KCNH7: variants seen among roughly 807,000 people sequenced by gnomAD.
KCNH7 encodes the protein potassium voltage-gated channel subfamily H member 7, also known as voltage-gated inwardly rectifying potassium channel KCNH7.
Under a neutral mutation model 120.8 loss-of-function variants are expected in KCNH7, and 49 were observed. That is an observed-to-expected ratio of 0.41 (90% CI 0.32 to 0.51). The LOEUF (loss-of-function observed/expected upper bound fraction) is 0.51. Among genes scored for constraint, KCNH7 ranks in the 20% least tolerant of loss-of-function variants. The pLI is 0.38. For synonymous variants in KCNH7, 547 were observed against 516.1 expected (o/e 1.06, Z -0.81); for missense variants, 1,097 against 1,446.6 (o/e 0.76, Z 3.92).
chr2:162,431,337 T>C lies in KCNH7; in HGVS notation c.1954+3861A>G, dbSNP rs547850793. Among the ~76,000 whole-genome samples the C allele has an allele frequency of 2.0e-5, 3 of 152,088 alleles. No individual in the cohort carries two copies. The South Asian group carries it at 6.2e-4, about 31-fold the overall frequency. Reference sequence around the variant, plus strand: ...TTTTATCACATTTTTTGTTATTTTATTTTTTTCAGGCTAAAATAAGGCCAC... The same window carrying C: ...TTTTATCACATTTTTTGTTATTTTACTTTTTTCAGGCTAAAATAAGGCCAC... On this transcript the variant is annotated intron_variant, in intron 8 of 15. Transcript: ENST00000332142.
chr2:162,801,244 T>C (rs1204006856), intron 2 of KCNH7, among the ~76,000 whole-genome samples: 1 of 147,864 alleles, frequency 6.8e-6, no homozygotes, highest in African/African-American at 2.5e-5. Flanking sequence ...GGATTTAAAG[T>C]ATGAAAAAGA....
chr2:162,683,399 T>C (rs955940298), intron 2 of KCNH7, among the ~76,000 whole-genome samples: 2 of 151,900 alleles, frequency 1.3e-5, no homozygotes, highest in African/African-American at 4.8e-5. Flanking sequence ...AGTTACAGTA[T>C]TTTAGTGATG....
intron 13 of KCNH7, 149 bp from the exon 14 acceptor site, chr2:162,380,170 A>G (rs1054879435): frequency 3.5e-6 from 3 of 868,792 alleles, no homozygotes; most frequent in Non-Finnish European, 3.5e-6. Context: ...TCCAGGGGCC[A>G]CGGCCAGTTG....
At position 162,435,631 on chromosome 2, in the gene KCNH7, C is replaced by T. The variant is rs76020578; in HGVS notation, c.1555-34G>A. The stretch of plus-strand genomic sequence containing the variant: ...ATAAATGTACACAGTCAGAAACGGT[C>T]GGCAAACAATTCAAAGTACATTCAT... On this transcript the variant is annotated intron_variant, in intron 7 of 15. Coordinates refer to ENST00000332142, the MANE Select transcript of KCNH7 (RefSeq NM_033272.4). 6.7e-4 allele frequency: 1,032 copies of T among 1,529,306 alleles called. 9 individuals are homozygous for T. The African/African-American group carries it at 0.013, about 20-fold the overall frequency. The allele number at this position is 1,529,306 out of a possible 1,614,324, so 94.7% of individuals were successfully genotyped here.
At chr2:162,830,835 A>T (rs1246402140) in intron 2 of KCNH7, among the ~76,000 whole-genome samples, 2 of 152,184 alleles carry the variant, frequency 1.3e-5, no homozygotes, top group South Asian at 2.1e-4. Flanking sequence ...GCCAGCCTTC[A>T]CCAGTCCCAG....
intron 2 of KCNH7, among the ~76,000 whole-genome samples, chr2:162,814,634 A>G (rs1274518270): frequency 1.3e-5 from 2 of 152,190 alleles, no homozygotes; most frequent in Non-Finnish European, 2.9e-5. Flanking sequence ...TCCTGCTATC[A>G]ATTATTCATC....
intron 2 of KCNH7, among the ~76,000 whole-genome samples, chr2:162,762,395 G>GT (rs1559121157): frequency 6.6e-6 from 1 of 151,418 alleles, no homozygotes; most frequent in African/African-American, 2.4e-5. Flanking sequence ...CTAACACTGG[G>GT]ACAGGGAGGG....
intron 2 of KCNH7, among the ~76,000 whole-genome samples, chr2:162,807,496 A>T (rs2105558928): frequency 6.6e-6 from 1 of 152,126 alleles, no homozygotes; most frequent in East Asian, 1.9e-4. Flanking sequence ...TCTAGGGCTT[A>T]ATTTCAATAG....
intron 2 of KCNH7, among the ~76,000 whole-genome samples, chr2:162,697,907 G>A (rs1338838941): frequency 1.3e-5 from 2 of 151,590 alleles, no homozygotes; most frequent in East Asian, 3.9e-4. Flanking sequence ...CATGTTATTT[G>A]CCTCAATTTC....
intron 6 of KCNH7, among the ~76,000 whole-genome samples, chr2:162,471,007 C>A (rs1353830437): frequency 6.6e-6 from 1 of 152,080 alleles, no homozygotes; most frequent in Non-Finnish European, 1.5e-5. Context: ...GGATTAAGGG[C>A]GGTGCAAGAT....
chr2:162,808,568 A>C (rs1684629331), intron 2 of KCNH7, among the ~76,000 whole-genome samples: 1 of 152,158 alleles, frequency 6.6e-6, no homozygotes, highest in African/African-American at 2.4e-5. Context: ...CTGTCAATTC[A>C]CATGTTAAGA....
In KCNH7 at chr2:162,388,313, C is replaced by T. The variant is rs577868196; in HGVS notation, c.2711-3374G>A. ...GTAACAATAGTAAATGTATTATATA[C>T]TTAGAAGTTGCTAAGAGATTAGACC... On this transcript the variant is annotated intron_variant, in intron 12 of 15. Coordinates refer to ENST00000332142, the MANE Select transcript of KCNH7 (RefSeq NM_033272.4). Among the ~76,000 whole-genome samples, 265 of 151,734 alleles carry T rather than the reference C, an allele frequency of 1.7e-3. 1 individual carries two copies. The highest frequency in any genetic ancestry group is 2.8e-3 in the Non-Finnish European group (191 of 67,782).
chr2:162,418,189 T>C (rs1308878123), intron 9 of KCNH7, among the ~76,000 whole-genome samples: 1 of 152,178 alleles, frequency 6.6e-6, no homozygotes, highest in East Asian at 1.9e-4. Flanking sequence ...ATGGTAACTA[T>C]GTATTTATAG....
At chr2:162,373,439 A>G in intron 15 of KCNH7, 31 bp downstream of exon 15, 1 of 1,422,768 alleles carries the variant, frequency 7.0e-7, no homozygotes, top group South Asian at 1.6e-5. Context: ...ACTGTGAGAG[A>G]CACTCTTGGT....
chr2:162,555,046 C>T (rs574289947), intron 2 of KCNH7, among the ~76,000 whole-genome samples: 1 of 152,222 alleles, frequency 6.6e-6, no homozygotes, highest in East Asian at 1.9e-4. Context: ...ATATGTTGTG[C>T]AAAAATGTCC....
At chr2:162,499,491 A>C (rs1379636876) in intron 6 of KCNH7, among the ~76,000 whole-genome samples, 1 of 152,104 alleles carries the variant, frequency 6.6e-6, no homozygotes, top group Non-Finnish European at 1.5e-5. Flanking sequence ...TCTGAGAATT[A>C]TTTTCTCTTT....
At chr2:162,397,414 A>T (rs16846657) in intron 10 of KCNH7, among the ~76,000 whole-genome samples, 3,108 of 151,854 alleles carry the variant, frequency 0.02, 216 homozygotes, top group Admixed American at 0.15. Context: ...GATTGGAGGA[A>T]CAATTGGAAC....
At chr2:162,813,222 C>T (rs113695364) in intron 2 of KCNH7, among the ~76,000 whole-genome samples, 5 of 152,148 alleles carry the variant, frequency 3.3e-5, no homozygotes, top group African/African-American at 1.2e-4. Context: ...TCTCCAGAAC[C>T]CAAGCAGGCC....
intron 2 of KCNH7, among the ~76,000 whole-genome samples, chr2:162,791,253 T>G (rs1210360059): frequency 6.6e-6 from 1 of 152,038 alleles, no homozygotes; most frequent in Non-Finnish European, 1.5e-5. Context: ...CCTTGTCTAT[T>G]TGGGCTTTTT....
Sources: allele counts gnomAD v4.1 joint callset (sites outside exome capture counted in the v4.1 genomes callset), GRCh38; gene constraint gnomAD v4.1.1; transcripts MANE v1.5; gene names NCBI Gene and HGNC (gene_info 2026-07-23, HGNC 2026-07-21).